The following GAGE10 variants were observed in gnomAD, a reference collection of about 807,000 sequenced individuals.
GAGE10 encodes the protein G antigen 10.
Under a neutral mutation model 11.5 loss-of-function variants are expected in GAGE10, and 9 were observed. The observed-to-expected ratio is 0.78, with a 90% CI of 0.47 to 1.37. The LOEUF (loss-of-function observed/expected upper bound fraction) is 1.37, where lower values mean the gene tolerates loss of function less well. Ranked by LOEUF, GAGE10 falls within the 40% of genes most tolerant of loss-of-function variation. The probability of loss-of-function intolerance (pLI) is 0.00; values close to 1 mark genes in which losing one functional copy is unlikely to be tolerated. For synonymous variants in GAGE10, 23 were observed against 29.7 expected, an observed-to-expected ratio of 0.77 and a Z score of 0.73; for missense variants, 83 against 92.9, an observed-to-expected ratio of 0.89 and a Z score of 0.44.
chrX:49,304,065 G>A (rs1557123746), intron 1 of GAGE10, among the ~76,000 whole-genome samples: 1 of 112,140 alleles, frequency 8.9e-6, no homozygotes, highest in African/African-American at 3.2e-5. Context: ...CGATTGCTGG[G>A]TGTGCTGTCA....
At chrX:49,306,638 T>G (rs1557124197) in intron 3 of GAGE10, among the ~76,000 whole-genome samples, 1 of 111,430 alleles carries the variant, frequency 9.0e-6, no homozygotes, top group East Asian at 2.8e-4. Context: ...CTCGGTACTC[T>G]ATGGCTGAAT....
At chrX:49,305,022 T>C in intron 2 of GAGE10, 82 bp downstream of exon 2, 1 of 1,083,247 alleles carries the variant, frequency 9.2e-7, no homozygotes, top group Non-Finnish European at 1.3e-6. Flanking sequence ...AGTATGGAAA[T>C]GCTGATAAAG....
intron 3 of GAGE10, among the ~76,000 whole-genome samples, chrX:49,310,604 G>C (rs1162568467): frequency 9.0e-6 from 1 of 111,448 alleles, no homozygotes. Context: ...CGGCTTAGCG[G>C]GGGGCCGAGA....
rs1557125342 is a variant in GAGE10 at position 49,317,147 on chromosome X, AT to A, written c.203-10del. 3 of 1,191,103 alleles carry A rather than the reference AT, an allele frequency of 2.5e-6. No homozygotes were observed. The highest frequency in any genetic ancestry group is 1.8e-5 in the African/African-American group (1 of 56,790). On this transcript the variant is annotated splice_polypyrimidine_tract_variant and intron_variant, in intron 3 of 4. Coordinates refer to ENST00000407599, the MANE Select transcript of GAGE10 (RefSeq NM_001098413.4). ...TGTTTTACTGCTTAAATTGATATGT[AT>A]TTTTTATTTTTAATGGCCGAAGCCT...
At chrX:49,310,265 T>C (rs1483288445) in intron 3 of GAGE10, among the ~76,000 whole-genome samples, 2 of 111,607 alleles carry the variant, frequency 1.8e-5, no homozygotes, top group African/African-American at 6.5e-5. Context: ...TACCAAGGTG[T>C]ACATTAACTG....
intron 3 of GAGE10, among the ~76,000 whole-genome samples, chrX:49,308,312 T>C (rs2066364358): frequency 8.9e-6 from 1 of 112,383 alleles, no homozygotes; most frequent in Admixed American, 9.4e-5. Context: ...AGATTTACTG[T>C]CTCCTTTGTC....
rs781881297 is a variant in GAGE10, at chrX:49,313,594, G to A, written c.203-3569G>A. 2.7e-5 allele frequency among the ~76,000 whole-genome samples: 3 copies of A among 111,867 alleles called. No homozygotes were observed. The South Asian group carries it at 1.1e-3, about 42-fold the overall frequency. On this transcript the variant is annotated intron_variant, in intron 3 of 4. Coordinates refer to ENST00000407599, the MANE Select transcript of GAGE10 (RefSeq NM_001098413.4). ...AGACCCAGTGCATCCACATAAGCCA[G>A]AGGACTCTGTCTGGGTTAAAAGGTG...
intron 3 of GAGE10, among the ~76,000 whole-genome samples, chrX:49,312,508 A>G (rs1307169371): frequency 8.9e-6 from 1 of 112,901 alleles, no homozygotes; most frequent in Non-Finnish European, 1.9e-5. Flanking sequence ...GCTGTTATTC[A>G]TTGCAAAGGA....
At chrX:49,304,723 C>G (rs2034012551) in intron 1 of GAGE10, 129 bp from the exon 2 acceptor site, 1 of 931,658 alleles carries the variant, frequency 1.1e-6, no homozygotes, top group African/African-American at 1.9e-5. Context: ...CACACATATG[C>G]TTAACTCTGG....
chrX:49,308,810 T>G (rs781973581), intron 3 of GAGE10, among the ~76,000 whole-genome samples: 2 of 111,236 alleles, frequency 1.8e-5, no homozygotes, highest in East Asian at 5.7e-4. Flanking sequence ...TTTCGTCTGA[T>G]GAGGAGTCCT....
At chrX:49,316,983 C>T (rs2066394139) in intron 3 of GAGE10, among the ~76,000 whole-genome samples, 180 bp from the exon 4 acceptor site, 1 of 110,755 alleles carries the variant, frequency 9.0e-6, no homozygotes, top group African/African-American at 3.3e-5. Flanking sequence ...TTTGGAACAC[C>T]TTGTTTTCCT....
At chrX:49,313,097 G>A (rs1393282982) in intron 3 of GAGE10, among the ~76,000 whole-genome samples, 2 of 112,046 alleles carry the variant, frequency 1.8e-5, no homozygotes, top group Non-Finnish European at 3.8e-5. Flanking sequence ...GAAAGGGCAC[G>A]AGAGGTGACA....
intron 3 of GAGE10, among the ~76,000 whole-genome samples, chrX:49,315,911 C>T (rs1221614952): frequency 9.0e-6 from 1 of 111,722 alleles, no homozygotes; most frequent in Non-Finnish European, 1.9e-5. Flanking sequence ...AATAGTAACC[C>T]GACACACTAC....
At chrX:49,312,251 G>A (rs1440461800) in intron 3 of GAGE10, among the ~76,000 whole-genome samples, 1 of 112,344 alleles carries the variant, frequency 8.9e-6, no homozygotes, top group Non-Finnish European at 1.9e-5. Context: ...CGGTGGTTGA[G>A]GCTCAAGCCT....
At chrX:49,316,820 C>G (rs5906782) in intron 3 of GAGE10, among the ~76,000 whole-genome samples, 48,622 of 109,797 alleles carry the variant, frequency 0.44, 9,093 homozygotes, top group Non-Finnish European at 0.59. Context: ...TGCCATATAA[C>G]AGTCTAAGTG....
chrX:49,304,141 G>T (rs368271802), intron 1 of GAGE10, among the ~76,000 whole-genome samples: 100 of 111,883 alleles, frequency 8.9e-4, no homozygotes, highest in African/African-American at 3.0e-3. Context: ...TGAGGTCCCG[G>T]ACAGGTGCGA....
intron 3 of GAGE10, among the ~76,000 whole-genome samples, chrX:49,316,959 G>C (rs2066394033): frequency 9.0e-6 from 1 of 110,982 alleles, no homozygotes; most frequent in African/African-American, 3.3e-5. Context: ...TCTCTGGAAA[G>C]GAAGAGGGTA....
chrX:49,315,663 A>T (rs2066389310), intron 3 of GAGE10, among the ~76,000 whole-genome samples: 1 of 112,609 alleles, frequency 8.9e-6, no homozygotes, highest in African/African-American at 3.2e-5. Context: ...TGTTGCCTAG[A>T]AATCGATGAT....
intron 3 of GAGE10, among the ~76,000 whole-genome samples, chrX:49,306,666 C>A (rs1329858574): frequency 9.0e-6 from 1 of 111,539 alleles, no homozygotes; most frequent in African/African-American, 3.3e-5. Flanking sequence ...TTATACATGT[C>A]CTGTGGTTTA....
Sources: allele counts gnomAD v4.1 joint callset (sites outside exome capture counted in the v4.1 genomes callset), GRCh38; gene constraint gnomAD v4.1.1; transcripts MANE v1.5; gene names NCBI Gene and HGNC (gene_info 2026-07-23, HGNC 2026-07-21).